The following CDH26 variants were observed in gnomAD, a reference collection of about 807,000 sequenced individuals.
CDH26 encodes cadherin-like protein 26.
CDH26 carries 83 observed loss-of-function variants against 90.3 expected under a neutral mutation model. The ratio of observed to expected loss-of-function variants is 0.92; its 90% CI spans 0.77 to 1.10. The LOEUF (loss-of-function observed/expected upper bound fraction) is 1.10, where lower values mean the gene tolerates loss of function less well. Ranked by LOEUF, CDH26 falls within the 50% of genes least tolerant of loss-of-function variation. The pLI is 0.00. For synonymous variants in CDH26, 397 were observed against 396.3 expected, an observed-to-expected ratio of 1.00 and a Z score of -0.02; for missense variants, 1,013 against 1,037.6, an observed-to-expected ratio of 0.98 and a Z score of 0.33.
rs1163500889 is a variant in CDH26 at position 59,983,134 on chromosome 20, T to C, written c.541+64T>C. On this transcript the variant is annotated intron_variant, in intron 5 of 17. Coordinates refer to ENST00000348616, the MANE Select transcript of CDH26 (RefSeq NM_177980.4). ...TCTGCTCTGTTCCTTTTCATTAATATTGATGAGGAGCTTGATCCTAGTCAT... is the reference window on the plus strand; with the variant it reads ...TCTGCTCTGTTCCTTTTCATTAATACTGATGAGGAGCTTGATCCTAGTCAT... 3.9e-6 allele frequency: 6 copies of C among 1,542,542 alleles called. No homozygotes were observed. In the African/African-American group the frequency reaches 5.5e-5, roughly 14 times the overall value.
At chr20:59,989,482 T>G (rs991504980) in intron 9 of CDH26, among the ~76,000 whole-genome samples, 8 of 146,510 alleles carry the variant, frequency 5.5e-5, no homozygotes, top group African/African-American at 1.8e-4. Flanking sequence ...GAGCCGAGAT[T>G]GCGCCACTGC....
At chr20:60,027,769 A>C (rs1230671461) in intron 7 of CDH26, among the ~76,000 whole-genome samples, 3 of 152,160 alleles carry the variant, frequency 2.0e-5, no homozygotes, top group Non-Finnish European at 4.4e-5. Flanking sequence ...TGAGTACTGG[A>C]AATGTGTCTA....
At position 59,995,971 on chromosome 20, in the gene CDH26, C is replaced by T. The variant is rs2061590545; in HGVS notation, c.1805C>T (p.Thr602Ile). The change falls in exon 12 of 18, where the codon ACA becomes ATA. Residue 602 changes from threonine to isoleucine, a missense_variant. Thr to Ile is a moderately conservative substitution (Grantham distance 89, BLOSUM62 -1). Coordinates refer to ENST00000348616, the MANE Select transcript of CDH26 (RefSeq NM_177980.4). ...ATCTGCCCCTGTGCCAGTGGGCTCA[C>T]ATGTGTGGAGCTTGCAGATGCAGAA... ...VRICPCASGL[T>I]CVELADAEVG... is the part of the protein sequence containing the mutation. The T allele has an allele frequency of 6.2e-7, 1 of 1,614,202 alleles. No homozygotes were observed. Among genetic ancestry groups the T allele is most frequent in the Non-Finnish European group, 8.5e-7 (1 of 1,180,036 alleles).
At position 59,989,116 on chromosome 20, in the gene CDH26, G is replaced by A; in HGVS notation, c.1236G>A (p.Gly412=). 1 of 1,614,196 alleles carries A rather than the reference G, an allele frequency of 6.2e-7. No homozygotes were observed. The highest frequency in any genetic ancestry group is 1.3e-5 in the African/African-American group (1 of 75,042). ...IVNKEEGARP[G]TLLGTFNAMD... ...ATAAAGAGGAGGGCGCCAGGCCTGG[G>A]ACCCTGTTGGGAACTTTTAATGCCA... The change falls in exon 9 of 18, where the codon GGG becomes GGA. Residue 412 remains glycine, a synonymous_variant. Transcript: ENST00000348616.
intron 13 of CDH26, 59 bp from the exon 14 acceptor site, chr20:59,999,527 T>C: frequency 7.0e-7 from 1 of 1,429,030 alleles, no homozygotes. Context: ...TCCTTCTGTT[T>C]TTATTTCTGC....
chr20:59,969,043 T>G lies in CDH26; in HGVS notation c.126+20T>G. On this transcript the variant is annotated intron_variant, in intron 2 of 17. Coordinates refer to ENST00000348616, the MANE Select transcript of CDH26 (RefSeq NM_177980.4). The stretch of plus-strand genomic sequence containing the variant: ...ACAAAGGTGAGGTTTGGAAGTCAGT[T>G]TCTTAATATATAAAATCAGTCTCTA... 1 of 1,532,980 alleles carries G rather than the reference T, an allele frequency of 6.5e-7. No individual in the cohort carries two copies. The allele number at this position is 1,532,980 out of a possible 1,614,324, so 95.0% of individuals were successfully genotyped here.
At position 59,996,620 on chromosome 20, in the gene CDH26, T is replaced by G; in HGVS notation, c.1889-11T>G. 6.2e-7 allele frequency: 1 copy of G among 1,614,212 alleles called. No individual in the cohort carries two copies. Among genetic ancestry groups the G allele is most frequent in the Non-Finnish European group, 8.5e-7 (1 of 1,180,040 alleles). On this transcript the variant is annotated splice_polypyrimidine_tract_variant and intron_variant, in intron 12 of 17. Coordinates refer to ENST00000348616, the MANE Select transcript of CDH26 (RefSeq NM_177980.4). Reference sequence around the variant, plus strand: ...TTGTCTAATCTGTTTTTCCCCTTTGTCTTATAACAGTGGCTCTGCTTTTTC... The same window carrying G: ...TTGTCTAATCTGTTTTTCCCCTTTGGCTTATAACAGTGGCTCTGCTTTTTC...
At chr20:60,017,964 A>AT (rs1230819795), downstream of CDH26, among the ~76,000 whole-genome samples, 4 of 152,072 alleles carry the variant, frequency 2.6e-5, no homozygotes, top group Non-Finnish European at 5.9e-5. Context: ...TTGTGGTCAG[A>AT]TAAGATACTT....
At chr20:59,960,521 A>G (rs1193429150) in intron 1 of CDH26, among the ~76,000 whole-genome samples, 1 of 152,230 alleles carries the variant, frequency 6.6e-6, no homozygotes, top group Non-Finnish European at 1.5e-5. Flanking sequence ...CTCTGCAAAA[A>G]TAACAACTTT....
At position 59,987,537 on chromosome 20, in the gene CDH26, G is replaced by T. The variant is rs746579972; in HGVS notation, c.922G>T (p.Ala308Ser). 6.2e-6 allele frequency: 10 copies of T among 1,613,882 alleles called. No homozygotes were observed. The highest frequency in any genetic ancestry group is 8.5e-6 in the Non-Finnish European group (10 of 1,179,950). Residue 308 changes from alanine to serine, a missense_variant, in exon 8 of 18, where the codon GCT (alanine) becomes TCT (serine). Transcript: ENST00000348616. ...VQDRDSPFTS[A>S]WRAKFNILHG... ...AGATCGAGATTCTCCATTTACATCA[G>T]CTTGGAGAGCAAAATTCAACATATT...
chr20:60,015,854 T>TC (rs1193615357), downstream of CDH26, among the ~76,000 whole-genome samples: 1 of 152,188 alleles, frequency 6.6e-6, no homozygotes, highest in Non-Finnish European at 1.5e-5. Flanking sequence ...ATACCTACTT[T>TC]CCCCAGCACC....
In CDH26 at chr20:60,012,623, T is replaced by A. The variant is rs758555208; in HGVS notation, c.2392T>A (p.Ser798Thr). 1.1e-5 allele frequency: 18 copies of A among 1,613,830 alleles called. No homozygotes were observed. The highest frequency in any genetic ancestry group is 1.4e-5 in the Non-Finnish European group (16 of 1,179,990). ...GECGGAPSLS[S>T]LASLEQELQP... ...GTGTGGAGGGGCCCCATCCCTCAGC[T>A]CTCTGGCCAGCTTGGAACAGGAGTT... is the stretch of plus-strand genomic sequence containing the variant. The change falls in exon 18 of 18, where the codon TCT (serine) becomes ACT (threonine). Residue 798 changes from serine (S) to threonine (T), a missense_variant. Ser to Thr is a moderately conservative substitution (Grantham distance 58). Transcript: ENST00000348616.
intron 7 of CDH26, among the ~76,000 whole-genome samples, chr20:60,021,775 ATATT>A (rs1454201028): frequency 1.3e-5 from 2 of 150,958 alleles, no homozygotes; most frequent in Non-Finnish European, 1.5e-5. Context: ...TGTTTTATAG[ATATT>A]TAGTTAGACA....
intron 1 of CDH26, 86 bp downstream of exon 1, chr20:59,958,881 G>T: frequency 7.2e-7 from 1 of 1,389,650 alleles, no homozygotes; most frequent in South Asian, 1.3e-5. Context: ...GGCTAAGGGA[G>T]GGGAGAGGGA....
intron 8 of CDH26, among the ~76,000 whole-genome samples, chr20:60,032,510 C>T (rs969728885): frequency 6.6e-6 from 1 of 152,050 alleles, no homozygotes; most frequent in Admixed American, 6.5e-5. Context: ...TGAATGTGGG[C>T]CTAACATAAA....
At chr20:60,017,971 A>G (rs1188276133), downstream of CDH26, among the ~76,000 whole-genome samples, 1 of 152,040 alleles carries the variant, frequency 6.6e-6, no homozygotes, top group Non-Finnish European at 1.5e-5. Context: ...CAGATAAGAT[A>G]CTTTATATAA....
At chr20:59,993,229 A>T (rs538876917) in intron 10 of CDH26, among the ~76,000 whole-genome samples, 153 of 152,178 alleles carry the variant, frequency 1.0e-3, no homozygotes, top group Non-Finnish European at 1.8e-3. Context: ...TCTGTTATGG[A>T]TGATTTTATG....
rs1031225789 is a variant in CDH26 at position 59,996,764 on chromosome 20, A to G, written c.2019+3A>G. Reference sequence around the variant, plus strand: ...AGAGCAAAGGCACTTCAGCCCAGGTAGTGGAATGTCATGCTTTGTGTCTTA... The same window carrying G: ...AGAGCAAAGGCACTTCAGCCCAGGTGGTGGAATGTCATGCTTTGTGTCTTA... On this transcript the variant is annotated splice_donor_region_variant and intron_variant, in intron 13 of 17. Transcript: ENST00000348616. The G allele has an allele frequency of 6.2e-6, 10 of 1,614,270 alleles. No individual in the cohort carries two copies. Among genetic ancestry groups the G allele is most frequent in the Middle Eastern group, 1.6e-4 (1 of 6,062 alleles).
At chr20:60,024,365 T>C (rs2061980954) in intron 7 of CDH26, among the ~76,000 whole-genome samples, 1 of 152,238 alleles carries the variant, frequency 6.6e-6, no homozygotes, top group Non-Finnish European at 1.5e-5. Context: ...GAGACTCCAC[T>C]CTTCCTGCCC....
Sources: allele counts gnomAD v4.1 joint callset (sites outside exome capture counted in the v4.1 genomes callset), GRCh38; gene constraint gnomAD v4.1.1; transcripts MANE v1.5; gene names NCBI Gene and HGNC (gene_info 2026-07-23, HGNC 2026-07-21).